ATP6V1C2: variants seen among roughly 807,000 people sequenced by gnomAD.
The protein encoded by ATP6V1C2 is V-type proton ATPase subunit C 2.
A neutral mutation model predicts 56.8 loss-of-function variants in ATP6V1C2; 45 were observed. That is an observed-to-expected ratio of 0.79 (90% CI 0.62 to 1.02). The LOEUF (loss-of-function observed/expected upper bound fraction) is 1.02, where lower values mean the gene tolerates loss of function less well. ATP6V1C2 is among the 50% of genes least tolerant of loss of function. The pLI is 0.00. For missense variants in ATP6V1C2, 463 were observed against 519.7 expected (o/e 0.89, Z 1.06); for synonymous variants, 220 against 201.3 (o/e 1.09, Z -0.79).
At chr2:10,757,073 C>T (rs971667243) in intron 4 of ATP6V1C2, among the ~76,000 whole-genome samples, 6 of 130,560 alleles carry the variant, frequency 4.6e-5, no homozygotes, top group East Asian at 2.3e-4. Flanking sequence ...AGTGCAGTGG[C>T]GCGATCTCAG....
At chr2:10,761,491 G>T (rs1192991118) in intron 4 of ATP6V1C2, among the ~76,000 whole-genome samples, 4 of 152,116 alleles carry the variant, frequency 2.6e-5, no homozygotes, top group Non-Finnish European at 4.4e-5. Context: ...TTGCTACAAG[G>T]TCATTCCCAT....
chr2:10,759,277 G>A (rs1187940877), intron 4 of ATP6V1C2, among the ~76,000 whole-genome samples: 1 of 152,198 alleles, frequency 6.6e-6, no homozygotes, highest in East Asian at 1.9e-4. Context: ...AGAGCTGGGA[G>A]CAGGAAGGAC....
chr2:10,746,105 T>C (rs1662896639), intron 3 of ATP6V1C2, among the ~76,000 whole-genome samples: 1 of 152,146 alleles, frequency 6.6e-6, no homozygotes, highest in South Asian at 2.1e-4. Flanking sequence ...GTTTAAGCAA[T>C]TCTCCTGCCT....
In ATP6V1C2 at chr2:10,763,345, G is replaced by C. The variant is rs913398208; in HGVS notation, c.284-986G>C. Among the ~76,000 whole-genome samples the C allele has an allele frequency of 6.6e-6, 1 of 152,098 alleles. No homozygotes were observed. The highest frequency in any genetic ancestry group is 1.5e-5 in the Non-Finnish European group (1 of 68,012). Reference sequence around the variant, plus strand: ...ACGATCCTCCCTAGGAGGAGCCGGCGCCAGCTCTTTGTCCTCCCTTAGCAC... The same window carrying C: ...ACGATCCTCCCTAGGAGGAGCCGGCCCCAGCTCTTTGTCCTCCCTTAGCAC... On this transcript the variant is annotated intron_variant, in intron 4 of 13. Transcript: ENST00000272238. The surrounding 1 kb of genome is among the most constrained non-coding windows in gnomAD (Gnocchi z 4.2).
intron 2 of ATP6V1C2, among the ~76,000 whole-genome samples, chr2:10,723,814 G>A (rs1477222221): frequency 1.3e-5 from 2 of 149,800 alleles, no homozygotes; most frequent in African/African-American, 4.9e-5. Context: ...ACTCCAGCCT[G>A]GGTGAACGGC....
At chr2:10,764,472 C>A in intron 5 of ATP6V1C2, 47 bp downstream of exon 5, 1 of 1,540,602 alleles carries the variant, frequency 6.5e-7, no homozygotes, top group South Asian at 1.1e-5. Context: ...GTGGGTCAGG[C>A]GGGCAAGAGC....
At chr2:10,770,906 A>G (rs1177579595) in intron 6 of ATP6V1C2, among the ~76,000 whole-genome samples, 5 of 152,234 alleles carry the variant, frequency 3.3e-5, no homozygotes, top group African/African-American at 1.2e-4. Flanking sequence ...CAGAGCTCAC[A>G]GTTATTCATT....
At chr2:10,727,898 C>T (rs1001726519) in intron 3 of ATP6V1C2, among the ~76,000 whole-genome samples, 13 of 152,178 alleles carry the variant, frequency 8.5e-5, no homozygotes, top group African/African-American at 2.4e-4. Flanking sequence ...AGCAAGACTC[C>T]GTCTCAAAAA....
chr2:10,760,740 A>G (rs1394599764), intron 4 of ATP6V1C2, among the ~76,000 whole-genome samples: 2 of 152,220 alleles, frequency 1.3e-5, no homozygotes, highest in Non-Finnish European at 2.9e-5. Flanking sequence ...ACCAAGCTGC[A>G]GGAAGTGGGT....
chr2:10,721,128 C>A (rs1425303441), upstream of ATP6V1C2, among the ~76,000 whole-genome samples: 1 of 152,180 alleles, frequency 6.6e-6, no homozygotes, highest in Non-Finnish European at 1.5e-5. Flanking sequence ...TCGCTGTCTA[C>A]GCAGGTGCGT....
chr2:10,723,707 C>T (rs898707365), intron 2 of ATP6V1C2, among the ~76,000 whole-genome samples: 2 of 151,702 alleles, frequency 1.3e-5, no homozygotes, highest in East Asian at 2.0e-4. Flanking sequence ...GGCATGGTGG[C>T]GAGCGCCTGT....
intron 3 of ATP6V1C2, among the ~76,000 whole-genome samples, chr2:10,738,644 T>C (rs1662385042): frequency 6.6e-6 from 1 of 152,182 alleles, no homozygotes; most frequent in South Asian, 2.1e-4. Context: ...ACGTTCCTTA[T>C]TTTCACGAGC....
At chr2:10,750,784 C>T (rs190551290) in intron 3 of ATP6V1C2, among the ~76,000 whole-genome samples, 13 of 152,292 alleles carry the variant, frequency 8.5e-5, no homozygotes, top group African/African-American at 3.1e-4. Flanking sequence ...GAGACAGCAA[C>T]TCCCACAGGT....
At chr2:10,776,060 T>G (rs982930815) in intron 10 of ATP6V1C2, among the ~76,000 whole-genome samples, 7 of 152,098 alleles carry the variant, frequency 4.6e-5, no homozygotes, top group African/African-American at 1.7e-4. Flanking sequence ...CTGGCCTGTC[T>G]GTCAGCGACC....
At chr2:10,734,479 C>T (rs144539093) in intron 3 of ATP6V1C2, among the ~76,000 whole-genome samples, 2 of 152,218 alleles carry the variant, frequency 1.3e-5, no homozygotes, top group South Asian at 4.1e-4. Flanking sequence ...AACATGGCGG[C>T]CCTTGGTGAC....
At chr2:10,729,900 G>A (rs1212501550) in intron 3 of ATP6V1C2, among the ~76,000 whole-genome samples, 1 of 152,170 alleles carries the variant, frequency 6.6e-6, no homozygotes. Context: ...GTGGTGGCCT[G>A]CTGGGCTGCA....
At chr2:10,753,422 C>T (rs1663331715) in intron 3 of ATP6V1C2, among the ~76,000 whole-genome samples, 1 of 152,184 alleles carries the variant, frequency 6.6e-6, no homozygotes. Flanking sequence ...TCTTTACTGT[C>T]AGCAGCGTGC....
chr2:10,776,761 C>A (rs114349491), intron 10 of ATP6V1C2, among the ~76,000 whole-genome samples: 4,797 of 152,276 alleles, frequency 0.032, 262 homozygotes, highest in African/African-American at 0.11. Flanking sequence ...CCAGGCCTGC[C>A]AGACCCCCGG....
chr2:10,771,505 C>T (rs943246119), intron 6 of ATP6V1C2, among the ~76,000 whole-genome samples: 33 of 152,172 alleles, frequency 2.2e-4, no homozygotes, highest in African/African-American at 7.7e-4. Context: ...GGCCCCCTCC[C>T]ATAGCAGCCG....
Sources: allele counts gnomAD v4.1 joint callset (sites outside exome capture counted in the v4.1 genomes callset), GRCh38; gene constraint gnomAD v4.1.1; non-coding constraint Gnocchi (gnomAD v3.1); transcripts MANE v1.5; gene names NCBI Gene and HGNC (gene_info 2026-07-23, HGNC 2026-07-21).